DYNC1I2: variants seen among roughly 807,000 people sequenced by gnomAD.
The protein encoded by DYNC1I2 is cytoplasmic dynein 1 intermediate chain 2.
DYNC1I2 carries 53 observed loss-of-function variants against 88.6 expected under a neutral mutation model. That is an observed-to-expected ratio of 0.60 (90% CI 0.48 to 0.75). The LOEUF is 0.75. DYNC1I2 is among the 30% of genes least tolerant of loss of function. DYNC1I2 has a pLI of 0.00. For missense variants in DYNC1I2, 458 were observed against 766.6 expected, an observed-to-expected ratio of 0.60 and a Z score of 4.75; for synonymous variants, 198 against 254.6, an observed-to-expected ratio of 0.78 and a Z score of 2.12.
chr2:171,718,232 A>G (rs1052661390), intron 7 of DYNC1I2, among the ~76,000 whole-genome samples: 1 of 152,214 alleles, frequency 6.6e-6, no homozygotes, highest in African/African-American at 2.4e-5. Flanking sequence ...TGCTGGGATT[A>G]CAGGCATGAG....
intron 1 of DYNC1I2, chr2:171,688,381 G>C (rs1167300000): frequency 1.3e-5 from 2 of 152,334 alleles, no homozygotes; most frequent in South Asian, 2.1e-4. Flanking sequence ...GGATTGGTCA[G>C]CTGTAGTTCA....
At chr2:171,715,783 A>G (rs766167821) in intron 7 of DYNC1I2, among the ~76,000 whole-genome samples, 1 of 152,194 alleles carries the variant, frequency 6.6e-6, no homozygotes, top group Non-Finnish European at 1.5e-5. Context: ...GTCATTGAGC[A>G]TAATTCTTCC....
intron 7 of DYNC1I2, among the ~76,000 whole-genome samples, chr2:171,725,215 T>C (rs1688157535): frequency 6.6e-6 from 1 of 152,226 alleles, no homozygotes; most frequent in Non-Finnish European, 1.5e-5. Context: ...ACAGCATTAA[T>C]GTGTCAGCAT....
chr2:171,725,568 A>C, intron 7 of DYNC1I2, 50 bp from the exon 8 acceptor site: 1 of 1,150,470 alleles, frequency 8.7e-7, no homozygotes, highest in Non-Finnish European at 1.2e-6. Flanking sequence ...ATAATTTATT[A>C]TATCATTCTG....
intron 3 of DYNC1I2, among the ~76,000 whole-genome samples, chr2:171,693,274 T>C (rs1023471116): frequency 2.6e-5 from 4 of 152,210 alleles, no homozygotes; most frequent in Non-Finnish European, 5.9e-5. Context: ...ATCAGACTTA[T>C]ATTGTTAGAA....
Position 171,706,546 on chromosome 2 carries a change from G to A in DYNC1I2, c.227-1G>A. The A allele has an allele frequency of 1.2e-6, 2 of 1,612,138 alleles. No individual in the cohort carries two copies. Among genetic ancestry groups the A allele is most frequent in the Non-Finnish European group, 1.7e-6 (2 of 1,178,786 alleles). On this transcript the variant is annotated splice_acceptor_variant, in intron 3 of 17. Transcript: ENST00000397119. LOFTEE classifies it high-confidence loss of function. ...TCTGTATCTTTGTCTGTACACTTCA[G>A]TTTTTTCTGAATACTGGGGTAAGGA... is the stretch of plus-strand genomic sequence containing the variant.
At chr2:171,697,933 T>C (rs1685910068) in intron 3 of DYNC1I2, among the ~76,000 whole-genome samples, 2 of 152,180 alleles carry the variant, frequency 1.3e-5, no homozygotes, top group African/African-American at 4.8e-5. Context: ...GAAAATCTCA[T>C]AAGTGATGTT....
rs781125620 is a variant in DYNC1I2 at position 171,712,694 on chromosome 2, C to T, written c.336-73C>T. On this transcript the variant is annotated intron_variant, in intron 5 of 17. Transcript: ENST00000397119. ...GAATAGTACTTTAGCTTTAGCTATT[C>T]ATAGAATGTATTTGCTTGACTAACT... 1.0e-4 allele frequency: 103 copies of T among 1,033,126 alleles called. No homozygotes were observed. The African/African-American group carries it at 1.1e-3, about 11-fold the overall frequency. The allele number at this position is 1,033,126 out of a possible 1,614,324, so 64.0% of individuals were successfully genotyped here.
chr2:171,716,758 T>C (rs1418629822), intron 7 of DYNC1I2, among the ~76,000 whole-genome samples: 4 of 151,970 alleles, frequency 2.6e-5, no homozygotes, highest in Non-Finnish European at 5.9e-5. Flanking sequence ...CTACAAAAAT[T>C]AGCCGAGCGT....
intron 5 of DYNC1I2, among the ~76,000 whole-genome samples, chr2:171,708,743 AG>A (rs1686875111): frequency 6.6e-6 from 1 of 151,922 alleles, no homozygotes; most frequent in African/African-American, 2.4e-5. Context: ...CCCAGACTGG[AG>A]GGCAGTGGCG....
intron 3 of DYNC1I2, among the ~76,000 whole-genome samples, chr2:171,701,112 T>G (rs1242072740): frequency 6.6e-6 from 1 of 152,222 alleles, no homozygotes; most frequent in African/African-American, 2.4e-5. Flanking sequence ...TATTGTAGTA[T>G]TAGTATTGTA....
At chr2:171,691,440 A>G (rs548147586) in intron 2 of DYNC1I2, among the ~76,000 whole-genome samples, 1 of 152,218 alleles carries the variant, frequency 6.6e-6, no homozygotes. Context: ...GTGGTAGCCT[A>G]AATAATGGCC....
intron 7 of DYNC1I2, among the ~76,000 whole-genome samples, chr2:171,724,401 C>CAG (rs1688101556): frequency 1.3e-5 from 2 of 152,100 alleles, no homozygotes; most frequent in African/African-American, 4.8e-5. Flanking sequence ...TTGCACAGGC[C>CAG]TGCCATTGGG....
Position 171,727,870 on chromosome 2 carries a change from T to G in DYNC1I2, c.1046T>G (p.Val349Gly), listed in dbSNP as rs201982509. 418 of 1,612,984 alleles carry G rather than the reference T, an allele frequency of 2.6e-4. No individual in the cohort carries two copies. The highest frequency in any genetic ancestry group is 3.0e-4 in the South Asian group (27 of 90,974). ...GCAAAATTTCATCCAAATCTTGTTG[T>G]TGGTGGTACATATTCAGGCCAAATT... Reference protein sequence around the residue: ...TFAKFHPNLVVGGTYSGQIVL... With the variant: ...TFAKFHPNLVGGGTYSGQIVL... Residue 349 changes from valine to glycine, a missense_variant, in exon 12 of 18, where the codon GTT becomes GGT. Physicochemically the swap from Val to Gly is moderately radical, Grantham distance 109. This residue lies in a region of DYNC1I2 where 203 missense variants were observed against 354.2 expected (regional missense o/e 0.57). Transcript: ENST00000397119.
chr2:171,739,114 A>G (rs1008178214), intron 15 of DYNC1I2, among the ~76,000 whole-genome samples: 95 of 151,752 alleles, frequency 6.3e-4, no homozygotes, highest in Non-Finnish European at 1.2e-3. Flanking sequence ...GAAAAAAAAA[A>G]AAAAAAGAAA....
chr2:171,731,026 G>A (rs1688568337), intron 15 of DYNC1I2, among the ~76,000 whole-genome samples: 1 of 152,190 alleles, frequency 6.6e-6, no homozygotes, highest in Admixed American at 6.5e-5. Flanking sequence ...TATAAAAATA[G>A]TGTTTACCTG....
chr2:171,701,087 T>C (rs1377458541), intron 3 of DYNC1I2, among the ~76,000 whole-genome samples: 1 of 152,250 alleles, frequency 6.6e-6, no homozygotes, highest in Non-Finnish European at 1.5e-5. Flanking sequence ...AAAACAAGCT[T>C]TTTGCTGGGG....
At chr2:171,715,493 C>T (rs1232263638) in intron 7 of DYNC1I2, 50 bp downstream of exon 7, 2 of 1,135,358 alleles carry the variant, frequency 1.8e-6, no homozygotes, top group South Asian at 3.6e-5. Context: ...ATGTTAAATA[C>T]ATAGATTCTT....
intron 6 of DYNC1I2, 135 bp downstream of exon 6, chr2:171,712,961 C>G: frequency 1.4e-6 from 1 of 696,324 alleles, no homozygotes. Flanking sequence ...TACTGTGACA[C>G]CTCATTTATC....
Sources: gnomAD v4.1 joint callset for allele counts (sites outside exome capture counted in the v4.1 genomes callset) on GRCh38, gnomAD v4.1.1 for gene constraint, gnomAD v4.1.1 regional missense constraint, MANE v1.5 for transcripts, NCBI Gene and HGNC (gene_info 2026-07-23, HGNC 2026-07-21) for gene names.